Variants in KDM5B observed in about 807,000 individuals in gnomAD.
KDM5B encodes lysine-specific demethylase 5B.
In KDM5B, 144 loss-of-function variants were observed where a neutral mutation model predicts 193.4. That is an observed-to-expected ratio of 0.74 (90% confidence interval 0.65 to 0.86). The LOEUF (loss-of-function observed/expected upper bound fraction) is 0.86, where lower values mean the gene tolerates loss of function less well. KDM5B is among the 40% of genes least tolerant of loss of function. The probability of loss-of-function intolerance (pLI) is 0.00; values close to 1 mark genes in which losing one functional copy is unlikely to be tolerated. For synonymous variants in KDM5B, 668 were observed against 682.6 expected (o/e 0.98, Z 0.33); for missense variants, 1,833 against 1,886.9 (o/e 0.97, Z 0.53).
chr1:202,804,398 G>C (rs1287378952), intron 1 of KDM5B, among the ~76,000 whole-genome samples: 12 of 152,154 alleles, frequency 7.9e-5, no homozygotes, highest in Non-Finnish European at 2.9e-5. Context: ...AGGGAAAACA[G>C]AGAGAGGGTT....
intron 16 of KDM5B, among the ~76,000 whole-genome samples, chr1:202,743,924 T>C (rs1011361976): frequency 6.6e-5 from 10 of 152,140 alleles, no homozygotes; most frequent in Admixed American, 1.3e-4. Context: ...TGTCAGGACA[T>C]AGGCACAGGC....
chr1:202,730,493 A>G (rs1191447087), intron 25 of KDM5B, among the ~76,000 whole-genome samples: 1 of 152,206 alleles, frequency 6.6e-6, no homozygotes, highest in East Asian at 1.9e-4. Context: ...AGGCGCATTA[A>G]CTGAACACAT....
At chr1:202,774,513 C>CCACCTGGCTGAGCAATAAGTT in intron 3 of KDM5B, 100 bp downstream of exon 3, 1 of 1,120,202 alleles carries the variant, frequency 8.9e-7, no homozygotes, top group African/African-American at 1.6e-5. Flanking sequence ...CAGGTGCGAG[C>CCACCTGGCTGAGCAATAAGTT]CACCTGGCTG....
intron 18 of KDM5B, 66 bp from the exon 19 acceptor site, chr1:202,741,788 T>C (rs1655354096): frequency 1.1e-6 from 1 of 883,648 alleles, no homozygotes; most frequent in Non-Finnish European, 1.8e-6. Context: ...CTTTCAAACT[T>C]AGAATCTTAA....
rs540341376 is a variant in KDM5B, at chr1:202,755,825, A to G, written c.1357-373T>C. On this transcript the variant is annotated intron_variant, in intron 10 of 26. Coordinates refer to ENST00000367265, the MANE Select transcript of KDM5B (RefSeq NM_006618.5). ...GAAAAGTAGTGAAGGAGAGCGGGCGAAAAGGGAACTTCTGGGGTGCTGGGA... is the reference window on the plus strand; with the variant it reads ...GAAAAGTAGTGAAGGAGAGCGGGCGGAAAGGGAACTTCTGGGGTGCTGGGA... Among the ~76,000 whole-genome samples the G allele has an allele frequency of 9.1e-4, 139 of 152,236 alleles. 1 individual carries two copies. In the East Asian group the frequency reaches 0.017, roughly 19 times the overall value.
Position 202,725,613 on chromosome 1 carries a change from T to C in KDM5B, c.*3423A>G, listed in dbSNP as rs1360446016. 6.6e-6 allele frequency: 1 copy of C among 152,242 alleles called. No individual in the cohort carries two copies. The highest frequency in any genetic ancestry group is 1.9e-4 in the East Asian group (1 of 5,202). The allele number at this position is 152,242 out of a possible 1,614,324, so 9.4% of individuals were successfully genotyped here. Reference sequence around the variant, plus strand: ...GATCTTCATTGCTTTCCTCAGCTTGTCTTCCCAAGAAGCAATGTTTCATCA... The same window carrying C: ...GATCTTCATTGCTTTCCTCAGCTTGCCTTCCCAAGAAGCAATGTTTCATCA... On this transcript the variant is annotated 3_prime_UTR_variant, in exon 27 of 27. Transcript: ENST00000367265.
chr1:202,754,333 G>A (rs1655923686), intron 11 of KDM5B, among the ~76,000 whole-genome samples: 1 of 152,154 alleles, frequency 6.6e-6, no homozygotes, highest in Admixed American at 6.5e-5. Flanking sequence ...ATTTGAGTGA[G>A]TTACAGATTT....
intron 1 of KDM5B, among the ~76,000 whole-genome samples, chr1:202,794,550 T>C (rs909392531): frequency 6.6e-6 from 1 of 152,208 alleles, no homozygotes; most frequent in African/African-American, 2.4e-5. Flanking sequence ...AGTACATAGC[T>C]GGGAAAAGAA....
At chr1:202,780,853 T>C (rs1003234374) in intron 1 of KDM5B, among the ~76,000 whole-genome samples, 2 of 151,584 alleles carry the variant, frequency 1.3e-5, no homozygotes, top group Non-Finnish European at 2.9e-5. Context: ...TACCTACATA[T>C]ACATATGACA....
At chr1:202,804,255 T>G (rs78690047) in intron 1 of KDM5B, among the ~76,000 whole-genome samples, 6 of 19,980 alleles carry the variant, frequency 3.0e-4, no homozygotes, top group Admixed American at 3.9e-3. Context: ...AATAAAAGGG[T>G]TTTTTTTTTA....
intron 1 of KDM5B, among the ~76,000 whole-genome samples, chr1:202,789,411 C>G (rs933807825): frequency 1.3e-5 from 2 of 150,554 alleles, no homozygotes; most frequent in Admixed American, 6.6e-5. Flanking sequence ...ATCCCAGCTA[C>G]TGGGGAGGCT....
chr1:202,733,864 C>T lies in KDM5B; in HGVS notation c.3446G>A (p.Arg1149His), dbSNP rs1326874980. The T allele has an allele frequency of 2.5e-6, 4 of 1,611,524 alleles. No homozygotes were observed. The highest frequency in any genetic ancestry group is 2.2e-5 in the East Asian group (1 of 44,834). The change falls in exon 23 of 27, where the codon CGC (arginine) becomes CAC (histidine). Residue 1149 changes from arginine (R) to histidine (H), a missense_variant. Arg to His is a conservative substitution (Grantham distance 29). This residue lies in a region of KDM5B where 1,379 missense variants were observed against 1,349.6 expected (regional missense o/e 1.02). Coordinates refer to ENST00000367265, the MANE Select transcript of KDM5B (RefSeq NM_006618.5). ...CTGCAAGGCTTCCATTTCCCTTAGG[C>T]GAGCTTCCCCAAGAGTTGCCATCTG... Reference protein sequence around the residue: ...ASAMATLGEARLREMEALQSL... With the variant: ...ASAMATLGEAHLREMEALQSL...
chr1:202,779,680 G>A (rs1230917936), intron 1 of KDM5B, among the ~76,000 whole-genome samples: 5 of 151,888 alleles, frequency 3.3e-5, no homozygotes, highest in Non-Finnish European at 7.4e-5. Context: ...ACACATGCCT[G>A]TAGTCCCAGC....
At chr1:202,742,139 C>T (rs1272831498) in intron 18 of KDM5B, among the ~76,000 whole-genome samples, 1 of 152,134 alleles carries the variant, frequency 6.6e-6, no homozygotes, top group Non-Finnish European at 1.5e-5. Context: ...TCCCAAAGTG[C>T]TGGGGTTACA....
At chr1:202,774,758 T>C in intron 2 of KDM5B, 23 bp from the exon 3 acceptor site, 1 of 1,608,410 alleles carries the variant, frequency 6.2e-7, no homozygotes, top group Non-Finnish European at 8.5e-7. Flanking sequence ...GAATTGAGTT[T>C]TCATCTCATT....
chr1:202,785,321 T>A (rs902690987), intron 1 of KDM5B, among the ~76,000 whole-genome samples: 1 of 152,212 alleles, frequency 6.6e-6, no homozygotes, highest in Non-Finnish European at 1.5e-5. Context: ...CTCCTCTGTA[T>A]TTCTCCATTT....
Position 202,746,152 on chromosome 1 carries a change from A to ATT in KDM5B, c.2186_2187dup (p.Tyr730AsnfsTer16). The ATT allele has an allele frequency of 6.2e-7, 1 of 1,606,044 alleles. No homozygotes were observed. The highest frequency in any genetic ancestry group is 8.5e-7 in the Non-Finnish European group (1 of 1,177,276). ...GTTCTTCCTACTTACCGCAATTTAT[A>ATT]TTTGTAAGGAGGACAGGAACACAAT... On this transcript the variant is annotated frameshift_variant, in exon 15 of 27. Transcript: ENST00000367265. LOFTEE classifies it high-confidence loss of function.
chr1:202,755,277 A>C lies in KDM5B; in HGVS notation c.1532T>G (p.Leu511Trp). 1 of 1,613,594 alleles carries C rather than the reference A, an allele frequency of 6.2e-7. No homozygotes were observed. Among genetic ancestry groups the C allele is most frequent in the Non-Finnish European group, 8.5e-7 (1 of 1,179,568 alleles). Residue 511 changes from leucine (L) to tryptophan (W), a missense_variant, in exon 11 of 27, where the codon TTG (leucine) becomes TGG (tryptophan). Transcript: ENST00000367265. ...TCTTTTTGGAACTTCTCACCAGTGC[A>C]AGTAGTTAATTGAATAGCTCCAGTG... ...EDHWSYSINY[L>W]HWGEPKTWYG...
Position 202,808,399 on chromosome 1 carries a change from G to A in KDM5B, c.-94C>T, listed in dbSNP as rs1019475141. 7 of 1,166,220 alleles carry A rather than the reference G, an allele frequency of 6.0e-6. No homozygotes were observed. The highest frequency in any genetic ancestry group is 3.1e-5 in the African/African-American group (2 of 64,660). 72.2% of individuals were successfully genotyped at this position (1,166,220 alleles called of 1,614,324 possible). On this transcript the variant is annotated 5_prime_UTR_variant, in exon 1 of 27. Coordinates refer to ENST00000367265, the MANE Select transcript of KDM5B (RefSeq NM_006618.5). ...CGAGACCCGTGCAGACGCGGCTCGA[G>A]CAACAGCAAGTCCGAGTTGTACGGG... is the stretch of plus-strand genomic sequence containing the variant.
Sources: gnomAD v4.1 joint callset for allele counts (sites outside exome capture counted in the v4.1 genomes callset) on GRCh38, gnomAD v4.1.1 for gene constraint, gnomAD v4.1.1 regional missense constraint, MANE v1.5 for transcripts, NCBI Gene and HGNC (gene_info 2026-07-23, HGNC 2026-07-21) for gene names.